PTPRM: variants seen among roughly 807,000 people sequenced by gnomAD.
PTPRM encodes protein tyrosine phosphatase receptor type M, also known as receptor-type tyrosine-protein phosphatase mu.
In PTPRM, 47 loss-of-function variants were observed where a neutral mutation model predicts 186.7. The ratio of observed to expected loss-of-function variants is 0.25; its 90% CI spans 0.20 to 0.32. The LOEUF (loss-of-function observed/expected upper bound fraction) is 0.32, where lower values mean the gene tolerates loss of function less well. Among genes scored for constraint, PTPRM ranks in the 10% least tolerant of loss-of-function variants. The pLI is 1.00. For missense variants in PTPRM, 1,494 were observed against 1,865.0 expected (o/e 0.80, Z 3.66); for synonymous variants, 668 against 674.9 (o/e 0.99, Z 0.16).
intron 5 of PTPRM, among the ~76,000 whole-genome samples, chr18:7,940,279 C>T (rs2052083998): frequency 6.6e-6 from 1 of 152,154 alleles, no homozygotes; most frequent in African/African-American, 2.4e-5. Flanking sequence ...CAATAAAAAC[C>T]AGGCAAGGAT....
At chr18:8,054,414 TTTTTC>T in intron 7 of PTPRM, among the ~76,000 whole-genome samples, 1 of 150,408 alleles carries the variant, frequency 6.6e-6, no homozygotes, top group East Asian at 1.9e-4. Context: ...CCCCTTGCCT[TTTTTC>T]TTTTCTTTTG....
chr18:7,957,815 G>A (rs1485754105), intron 7 of PTPRM, among the ~76,000 whole-genome samples: 5 of 152,180 alleles, frequency 3.3e-5, no homozygotes. Flanking sequence ...AAAGGGAAAC[G>A]TGTGCTGTAA....
At chr18:7,722,532 A>C (rs2040467139) in intron 1 of PTPRM, among the ~76,000 whole-genome samples, 1 of 152,170 alleles carries the variant, frequency 6.6e-6, no homozygotes. Flanking sequence ...CTAAAATAAA[A>C]TGTGGGTAAA....
chr18:7,835,841 GT>G lies in PTPRM; in HGVS notation c.197-52257del, dbSNP rs575439714. 5.8e-4 allele frequency among the ~76,000 whole-genome samples: 87 copies of G among 150,828 alleles called. 1 individual carries two copies. In the East Asian group the frequency reaches 0.011, roughly 19 times the overall value. On this transcript the variant is annotated intron_variant, in intron 2 of 32. Transcript: ENST00000580170. Reference sequence around the variant, plus strand: ...ATAGTGACCTTCTTTGTCTCTTAAAGTTTTTTTTGTTTTGTTTTGTTTTGTT... The same window carrying G: ...ATAGTGACCTTCTTTGTCTCTTAAAGTTTTTTTGTTTTGTTTTGTTTTGTT...
chr18:7,916,796 C>T (rs2050586263), intron 4 of PTPRM, among the ~76,000 whole-genome samples: 1 of 151,838 alleles, frequency 6.6e-6, no homozygotes, highest in African/African-American at 2.4e-5. Context: ...TGGGAACATT[C>T]CATATCCTCT....
chr18:7,594,790 A>G (rs534915732), intron 1 of PTPRM, among the ~76,000 whole-genome samples: 1 of 152,312 alleles, frequency 6.6e-6, no homozygotes, highest in African/African-American at 2.4e-5. Flanking sequence ...TGGTCTCCAA[A>G]TTAAAGGAAT....
chr18:7,824,192 C>A (rs1467009099), intron 2 of PTPRM, among the ~76,000 whole-genome samples: 1 of 152,214 alleles, frequency 6.6e-6, no homozygotes, highest in Non-Finnish European at 1.5e-5. Flanking sequence ...TTGTTCTTGC[C>A]TGAGCATTAC....
chr18:7,818,556 A>T (rs1157871958), intron 2 of PTPRM, among the ~76,000 whole-genome samples: 1 of 152,158 alleles, frequency 6.6e-6, no homozygotes, highest in Non-Finnish European at 1.5e-5. Context: ...ATTCTGAGAG[A>T]GGATAAAGAA....
At chr18:7,608,756 C>G (rs1298908693) in intron 1 of PTPRM, among the ~76,000 whole-genome samples, 1 of 152,172 alleles carries the variant, frequency 6.6e-6, no homozygotes, top group Non-Finnish European at 1.5e-5. Context: ...TCCAACTGCC[C>G]ACAGCTGTCT....
chr18:7,637,606 T>G (rs1020694266), intron 1 of PTPRM, among the ~76,000 whole-genome samples: 57 of 152,234 alleles, frequency 3.7e-4, no homozygotes, highest in African/African-American at 1.3e-3. Flanking sequence ...ATGTTTTATA[T>G]TCTTTTTCTT....
chr18:7,638,732 C>T (rs2038376461), intron 1 of PTPRM, among the ~76,000 whole-genome samples: 2 of 152,182 alleles, frequency 1.3e-5, no homozygotes, highest in African/African-American at 4.8e-5. Context: ...GATTTATTAA[C>T]AGATAGGCTG....
chr18:7,649,524 G>C (rs1197430376), intron 1 of PTPRM, among the ~76,000 whole-genome samples: 2 of 152,166 alleles, frequency 1.3e-5, no homozygotes, highest in African/African-American at 4.8e-5. Flanking sequence ...ATGGGAGGAG[G>C]TGAACATATC....
At chr18:8,366,506 C>G (rs1187303660) in intron 23 of PTPRM, among the ~76,000 whole-genome samples, 1 of 152,204 alleles carries the variant, frequency 6.6e-6, no homozygotes, top group Non-Finnish European at 1.5e-5. Flanking sequence ...GCCTCGGGAG[C>G]CACAGCTCTG....
chr18:8,049,982 A>T (rs956028049), intron 7 of PTPRM, among the ~76,000 whole-genome samples: 3 of 152,148 alleles, frequency 2.0e-5, no homozygotes, highest in African/African-American at 4.8e-5. Flanking sequence ...AAGTGCTGGG[A>T]TTACAGGCAT....
chr18:8,235,723 C>T (rs2094338606), intron 14 of PTPRM, among the ~76,000 whole-genome samples: 1 of 151,966 alleles, frequency 6.6e-6, no homozygotes, highest in African/African-American at 2.4e-5. Flanking sequence ...ACAAATTTCA[C>T]TCTAAGCACC....
intron 1 of PTPRM, among the ~76,000 whole-genome samples, chr18:7,597,937 A>C (rs542829810): frequency 6.6e-6 from 1 of 152,114 alleles, no homozygotes; most frequent in African/African-American, 2.4e-5. Context: ...TTTATAAATA[A>C]CTCATATTAG....
chr18:7,608,506 T>C (rs990283377), intron 1 of PTPRM, among the ~76,000 whole-genome samples: 5 of 152,204 alleles, frequency 3.3e-5, no homozygotes, highest in African/African-American at 1.2e-4. Context: ...CTGGAATTAA[T>C]GTCAGTGAGC....
intron 7 of PTPRM, among the ~76,000 whole-genome samples, chr18:8,012,744 A>G (rs901014344): frequency 6.6e-6 from 1 of 152,236 alleles, no homozygotes; most frequent in Non-Finnish European, 1.5e-5. Flanking sequence ...ATTATTATAC[A>G]GCACATGTCT....
chr18:8,212,891 A>G (rs1049932052), intron 14 of PTPRM, among the ~76,000 whole-genome samples: 1 of 152,174 alleles, frequency 6.6e-6, no homozygotes, highest in Non-Finnish European at 1.5e-5. Flanking sequence ...ACCCGTCTCC[A>G]TTCCAATTTC....
Sources: allele counts gnomAD v4.1 joint callset (sites outside exome capture counted in the v4.1 genomes callset), GRCh38; gene constraint gnomAD v4.1.1; transcripts MANE v1.5; gene names NCBI Gene and HGNC (gene_info 2026-07-23, HGNC 2026-07-21).